SHPRH: variants seen among roughly 807,000 people sequenced by gnomAD.
The protein encoded by SHPRH is SNF2 histone linker PHD RING helicase, also known as E3 ubiquitin-protein ligase SHPRH.
A neutral mutation model predicts 202.5 loss-of-function variants in SHPRH; 106 were observed. The observed-to-expected ratio is 0.52, with a 90% CI of 0.45 to 0.62. The LOEUF is 0.62. Among genes scored for constraint, SHPRH ranks in the 20% least tolerant of loss-of-function variants. The pLI is 0.00. For missense variants in SHPRH, 1,710 were observed against 2,020.0 expected (o/e 0.85, Z 2.94); for synonymous variants, 729 against 686.0 (o/e 1.06, Z -0.98).
rs754779661 is a variant in SHPRH at position 145,946,328 on chromosome 6, T to C, written c.1226A>G (p.Asn409Ser). ...ALTLPEGKVV[N>S]YFIPSHYFGG... Reference sequence around the variant, plus strand: ...AAAATAATGTGACGGAATAAAATAATTCACCACTTTTCCCTGATACAAACA... The same window carrying C: ...AAAATAATGTGACGGAATAAAATAACTCACCACTTTTCCCTGATACAAACA... Residue 409 changes from asparagine (N) to serine (S), a missense_variant, in exon 7 of 30, where the codon AAT becomes AGT. Asn to Ser is a conservative substitution (Grantham distance 46). Around this residue, in one of 8 missense-constraint regions of SHPRH, gnomAD observed 348 missense variants for 356.9 expected, o/e 0.97. Coordinates refer to ENST00000275233, the MANE Select transcript of SHPRH (RefSeq NM_001042683.3). 3.1e-6 allele frequency: 5 copies of C among 1,604,092 alleles called. No individual in the cohort carries two copies. Among genetic ancestry groups the C allele is most frequent in the Non-Finnish European group, 4.3e-6 (5 of 1,174,930 alleles).
At position 145,923,668 on chromosome 6, in the gene SHPRH, T is replaced by A; in HGVS notation, c.3520A>T (p.Thr1174Ser). 1 of 1,611,998 alleles carries A rather than the reference T, an allele frequency of 6.2e-7. No homozygotes were observed. Among genetic ancestry groups the A allele is most frequent in the Non-Finnish European group, 8.5e-7 (1 of 1,178,640 alleles). ...NEITSNYKQQ[T>S]GKLSMSEKFR... The stretch of plus-strand genomic sequence containing the variant: ...TTCTCTGACATAGAAAGCTTGCCAG[T>A]TTGTTGCTTGTAGTTGCTGGTTATT... Residue 1174 changes from threonine to serine, a missense_variant, in exon 18 of 30, where the codon ACT becomes TCT. This residue lies in a region of SHPRH where 288 missense variants were observed against 317.8 expected (regional missense o/e 0.91). Coordinates refer to ENST00000275233, the MANE Select transcript of SHPRH (RefSeq NM_001042683.3).
Position 145,919,619 on chromosome 6 carries a change from C to T in SHPRH, c.4009-128G>A, listed in dbSNP as rs1056563687. The T allele has an allele frequency of 7.7e-6, 8 of 1,036,038 alleles. No individual in the cohort carries two copies. The Admixed American group carries it at 2.4e-4, about 32-fold the overall frequency. 64.2% of individuals were successfully genotyped at this position (1,036,038 alleles called of 1,614,324 possible). A position where few individuals can be genotyped will look rare whatever the true frequency, so the allele number is the denominator to read the frequency against. The stretch of plus-strand genomic sequence containing the variant: ...ACTTTTTCGCTATGTGTCTAACGTA[C>T]AAGTAGTTCCTGGGGTCATTTTTAG... On this transcript the variant is annotated intron_variant, in intron 21 of 29. Transcript: ENST00000275233.
intron 20 of SHPRH, 124 bp from the exon 21 acceptor site, chr6:145,921,516 C>A (rs547515451): frequency 2.2e-6 from 2 of 892,860 alleles, no homozygotes; most frequent in East Asian, 2.7e-5. Flanking sequence ...CTTGAAAAAG[C>A]TGAAAACATC....
Position 145,910,534 on chromosome 6 carries a change from T to C in SHPRH, c.4429A>G (p.Ile1477Val), listed in dbSNP as rs1446044518. 1 of 1,612,942 alleles carries C rather than the reference T, an allele frequency of 6.2e-7. No individual in the cohort carries two copies. The highest frequency in any genetic ancestry group is 8.5e-7 in the Non-Finnish European group (1 of 1,179,594). The stretch of plus-strand genomic sequence containing the variant: ...TTGTGAGATGTGGTCTGGCGGCAGA[T>C]TGCACACTTAATGGAGCTTCTGTGA... The part of the protein sequence containing the change: ...GSHRSSIKCA[I>V]CRQTTSHKEI... Residue 1477 changes from isoleucine (I) to valine (V), a missense_variant, in exon 25 of 30, where the codon ATC (isoleucine) becomes GTC (valine). By Grantham distance (29) the Ile-to-Val change is conservative. Around this residue, in one of 8 missense-constraint regions of SHPRH, gnomAD observed 306 missense variants for 479.5 expected, o/e 0.64. Transcript: ENST00000275233.
At chr6:145,954,509 G>A (rs985414658) in intron 2 of SHPRH, among the ~76,000 whole-genome samples, 181 bp downstream of exon 2, 12 of 152,130 alleles carry the variant, frequency 7.9e-5, no homozygotes, top group African/African-American at 2.7e-4. Flanking sequence ...TTGAAAAAGT[G>A]TAGCCTGAAA....
chr6:145,885,952 CAAT>C lies in SHPRH; in HGVS notation c.*736_*738del, dbSNP rs900102407. 4.6e-5 allele frequency: 7 copies of C among 151,442 alleles called. No homozygotes were observed. The highest frequency in any genetic ancestry group is 1.7e-4 in the African/African-American group (7 of 41,178). 9.4% of individuals were successfully genotyped at this position (151,442 alleles called of 1,614,324 possible). On this transcript the variant is annotated 3_prime_UTR_variant, in exon 30 of 30. Transcript: ENST00000275233. ...ATCTTACAACATATAAAAACTTTAA[CAAT>C]AAGAAAAATTAAGAGTAGGGAAAGC...
intron 7 of SHPRH, 104 bp from the exon 8 acceptor site, chr6:145,945,741 T>C: frequency 1.6e-6 from 2 of 1,247,588 alleles, no homozygotes; most frequent in Non-Finnish European, 2.1e-6. Context: ...AAGAAAGAAA[T>C]AAATCAAAGA....
At chr6:145,897,476 C>T (rs1782117133) in intron 25 of SHPRH, among the ~76,000 whole-genome samples, 1 of 152,032 alleles carries the variant, frequency 6.6e-6, no homozygotes, top group Non-Finnish European at 1.5e-5. Context: ...AGAACTAATA[C>T]CAATCTTTCT....
At chr6:145,864,932 A>AACACACACTC (rs1779704009) in intron 2 of SHPRH, among the ~76,000 whole-genome samples, 1 of 133,856 alleles carries the variant, frequency 7.5e-6, no homozygotes, top group African/African-American at 2.7e-5. Flanking sequence ...AAAATTTATA[A>AACACACACTC]ACACACACAC....
At chr6:145,897,371 A>G (rs1425716649) in intron 25 of SHPRH, among the ~76,000 whole-genome samples, 1 of 152,120 alleles carries the variant, frequency 6.6e-6, no homozygotes, top group Admixed American at 6.6e-5. Context: ...ACCAGTATGT[A>G]GTAACAAGAT....
chr6:145,947,457 T>G lies in SHPRH; in HGVS notation c.1212+36A>C, dbSNP rs753476816. The G allele has an allele frequency of 4.4e-6, 7 of 1,602,224 alleles. No individual in the cohort carries two copies. In the African/African-American group the frequency reaches 8.1e-5, roughly 18 times the overall value. Reference sequence around the variant, plus strand: ...ATACGATGCTTTTCGAGAACATATGTCCCCTGCTTTTGCAAGCCCTACTAT... The same window carrying G: ...ATACGATGCTTTTCGAGAACATATGGCCCCTGCTTTTGCAAGCCCTACTAT... On this transcript the variant is annotated intron_variant, in intron 6 of 29. Coordinates refer to ENST00000275233, the MANE Select transcript of SHPRH (RefSeq NM_001042683.3).
rs758226661 is a variant in SHPRH, at chr6:145,886,483, T to C, written c.*208A>G. On this transcript the variant is annotated 3_prime_UTR_variant, in exon 30 of 30. Transcript: ENST00000275233. ...TAAATGTTTTATTAGGAGTGTAAAA[T>C]TAAGAATCTTTATAGATCTTTTGGA... The C allele has an allele frequency of 1.0e-6, 1 of 964,566 alleles. No individual in the cohort carries two copies. The highest frequency in any genetic ancestry group is 2.0e-5 in the Admixed American group (1 of 49,414). The allele number at this position is 964,566 out of a possible 1,614,324, so 59.8% of individuals were successfully genotyped here.
intron 2 of SHPRH, among the ~76,000 whole-genome samples, chr6:145,874,495 T>A (rs1450341781): frequency 6.6e-6 from 1 of 152,158 alleles, no homozygotes; most frequent in African/African-American, 2.4e-5. Context: ...TATTAAGGTA[T>A]AATTGACATA....
At chr6:145,946,196 A>C in intron 7 of SHPRH, 37 bp downstream of exon 7, 1 of 1,487,902 alleles carries the variant, frequency 6.7e-7, no homozygotes, top group Non-Finnish European at 9.3e-7. Context: ...AAAGATCACT[A>C]TAAGAAGGTA....
At chr6:145,889,522 C>G (rs1781405288) in intron 28 of SHPRH, among the ~76,000 whole-genome samples, 1 of 152,106 alleles carries the variant, frequency 6.6e-6, no homozygotes, top group South Asian at 2.1e-4. Context: ...CAACACCTGA[C>G]TTCACGTGAT....
chr6:145,945,676 T>TA (rs1477457876), intron 7 of SHPRH, 39 bp from the exon 8 acceptor site: 2 of 1,534,240 alleles, frequency 1.3e-6, no homozygotes, highest in Non-Finnish European at 1.7e-6. Flanking sequence ...TCAAAATAAT[T>TA]AAAATGAAAA....
chr6:145,931,758 T>C (rs1785475291), intron 14 of SHPRH, among the ~76,000 whole-genome samples: 1 of 152,204 alleles, frequency 6.6e-6, no homozygotes, highest in South Asian at 2.1e-4. Context: ...TCTACCTTCA[T>C]ATAATATTAT....
chr6:145,933,971 A>G (rs949110825), intron 13 of SHPRH, among the ~76,000 whole-genome samples: 6 of 152,212 alleles, frequency 3.9e-5, no homozygotes, highest in African/African-American at 1.4e-4. Context: ...AGCCTTTCAT[A>G]TCTGGAGTAC....
chr6:145,927,948 T>A (rs1264026713), intron 14 of SHPRH, among the ~76,000 whole-genome samples: 3 of 151,996 alleles, frequency 2.0e-5, no homozygotes, highest in African/African-American at 7.2e-5. Context: ...TAAAGCACAG[T>A]CTGGCAAAGT....
Sources: gnomAD v4.1 joint callset for allele counts (sites outside exome capture counted in the v4.1 genomes callset) on GRCh38, gnomAD v4.1.1 for gene constraint, gnomAD v4.1.1 regional missense constraint, MANE v1.5 for transcripts, NCBI Gene and HGNC (gene_info 2026-07-23, HGNC 2026-07-21) for gene names.